Variants in EYS observed in about 807,000 individuals in gnomAD.
The protein encoded by EYS is EGF-like photoreceptor maintenance factor.
In EYS, 250 loss-of-function variants were observed where a neutral mutation model predicts 282.1. That is an observed-to-expected ratio of 0.89 (90% CI 0.80 to 0.98). EYS has a LOEUF of 0.98. Among genes scored for constraint, EYS ranks in the 50% least tolerant of loss-of-function variants. The probability of loss-of-function intolerance (pLI) is 0.00; values close to 1 mark genes in which losing one functional copy is unlikely to be tolerated. For missense variants in EYS, 4,016 were observed against 3,709.0 expected (o/e 1.08, Z -2.15); for synonymous variants, 1,355 against 1,282.9 (o/e 1.06, Z -1.20).
chr6:64,161,041 A>T (rs1252347409), intron 31 of EYS, among the ~76,000 whole-genome samples: 1 of 152,204 alleles, frequency 6.6e-6, no homozygotes, highest in Non-Finnish European at 1.5e-5. Flanking sequence ...TGTATAAGAG[A>T]GACTCATTAC....
At chr6:64,752,729 G>T (rs530206739) in intron 22 of EYS, among the ~76,000 whole-genome samples, 1 of 151,840 alleles carries the variant, frequency 6.6e-6, no homozygotes, top group East Asian at 1.9e-4. Context: ...TCAACATGAA[G>T]GAAAAAAAAT....
intron 5 of EYS, among the ~76,000 whole-genome samples, chr6:65,442,785 A>ATAT: frequency 1.6e-5 from 2 of 121,858 alleles, no homozygotes; most frequent in Admixed American, 1.9e-4. Context: ...AAAAATTAAA[A>ATAT]AAAAATATAT....
chr6:64,902,360 A>G, intron 17 of EYS, 44 bp downstream of exon 17: 1 of 1,376,444 alleles, frequency 7.3e-7, no homozygotes, highest in East Asian at 2.5e-5. Flanking sequence ...GTATACATCT[A>G]GACACATAAA....
chr6:65,312,781 C>T (rs146065172), intron 11 of EYS, among the ~76,000 whole-genome samples: 15 of 152,286 alleles, frequency 9.8e-5, no homozygotes, highest in East Asian at 5.8e-4. Context: ...AGAGCTTCAA[C>T]GTTAAACAGG....
intron 22 of EYS, among the ~76,000 whole-genome samples, chr6:64,737,741 C>A (rs1772229613): frequency 6.6e-6 from 1 of 152,150 alleles, no homozygotes; most frequent in Non-Finnish European, 1.5e-5. Flanking sequence ...CCACAACATG[C>A]AGGAGTTCAG....
intron 40 of EYS, among the ~76,000 whole-genome samples, chr6:63,767,263 T>C (rs965415949): frequency 3.3e-5 from 5 of 152,068 alleles, no homozygotes; most frequent in Admixed American, 6.6e-5. Flanking sequence ...AGAAAAGATA[T>C]CCAGATAGAA....
intron 22 of EYS, among the ~76,000 whole-genome samples, chr6:64,699,155 A>T (rs900008562): frequency 5.9e-5 from 9 of 152,332 alleles, no homozygotes; most frequent in Admixed American, 5.9e-4. Context: ...AAAAAGAACA[A>T]GATCATGTCT....
intron 1 of EYS, among the ~76,000 whole-genome samples, chr6:65,669,519 C>A (rs1239646259): frequency 6.6e-6 from 1 of 151,900 alleles, no homozygotes; most frequent in Non-Finnish European, 1.5e-5. Flanking sequence ...AATGCTTTGT[C>A]CTTCATGATG....
intron 2 of EYS, among the ~76,000 whole-genome samples, chr6:65,633,376 A>G (rs1288844295): frequency 6.6e-6 from 1 of 152,230 alleles, no homozygotes; most frequent in Admixed American, 6.5e-5. Flanking sequence ...TACAGAATGC[A>G]TTTTGTGCCA....
intron 2 of EYS, among the ~76,000 whole-genome samples, chr6:65,568,683 A>G (rs1764369403): frequency 6.6e-6 from 1 of 152,174 alleles, no homozygotes; most frequent in African/African-American, 2.4e-5. Context: ...TTTTGTTTCG[A>G]AAGTGGCTCA....
At chr6:63,968,845 T>C (rs1477243112) in intron 35 of EYS, among the ~76,000 whole-genome samples, 1 of 152,232 alleles carries the variant, frequency 6.6e-6, no homozygotes, top group Non-Finnish European at 1.5e-5. Flanking sequence ...TTTCCTTACT[T>C]GGCAGTTTTA....
chr6:64,536,929 CT>C (rs1371831643), intron 26 of EYS, among the ~76,000 whole-genome samples: 4 of 151,734 alleles, frequency 2.6e-5, no homozygotes, highest in South Asian at 2.1e-4. Flanking sequence ...GTCCAAGAAT[CT>C]TTTTTCCCTC....
intron 26 of EYS, among the ~76,000 whole-genome samples, chr6:64,502,310 G>T (rs989201923): frequency 1.3e-5 from 2 of 151,892 alleles, no homozygotes; most frequent in African/African-American, 4.8e-5. Context: ...GCGCGATCTC[G>T]ACTCACTGCA....
intron 26 of EYS, among the ~76,000 whole-genome samples, chr6:64,522,253 T>C (rs1290757744): frequency 1.1e-4 from 17 of 151,930 alleles, no homozygotes; most frequent in South Asian, 8.3e-4. Context: ...TTTCATTTTA[T>C]GTATTTTTTA....
intron 2 of EYS, among the ~76,000 whole-genome samples, chr6:65,552,998 C>T (rs149577094): frequency 2.0e-5 from 3 of 152,060 alleles, no homozygotes; most frequent in East Asian, 1.9e-4. Context: ...TGATTCAAAT[C>T]GGCACTTTGG....
intron 19 of EYS, among the ~76,000 whole-genome samples, chr6:64,829,663 C>T (rs929098512): frequency 2.0e-5 from 3 of 151,834 alleles, no homozygotes; most frequent in South Asian, 2.1e-4. Flanking sequence ...GGTGCCAGTT[C>T]GGAGATGAAA....
At chr6:63,917,033 T>C (rs950703759) in intron 35 of EYS, among the ~76,000 whole-genome samples, 1 of 152,222 alleles carries the variant, frequency 6.6e-6, no homozygotes, top group African/African-American at 2.4e-5. Flanking sequence ...AAGGAAAGAA[T>C]TTAGTTATGT....
intron 13 of EYS, among the ~76,000 whole-genome samples, chr6:65,051,193 A>T (rs1773258006): frequency 6.6e-6 from 1 of 151,664 alleles, no homozygotes; most frequent in East Asian, 1.9e-4. Flanking sequence ...AAACTTTTAT[A>T]TTTTAGAACA....
rs947400119 is a variant in EYS at position 64,594,343 on chromosome 6, C to T, written c.3685-1034G>A. ...TGTGAATAGTGCTGCAATAAACATACGTGTGCATGTGTCTTTATAGCAGCA... is the reference window on the plus strand; with the variant it reads ...TGTGAATAGTGCTGCAATAAACATATGTGTGCATGTGTCTTTATAGCAGCA... On this transcript the variant is annotated intron_variant, in intron 24 of 42. Transcript: ENST00000503581. 4.6e-5 allele frequency among the ~76,000 whole-genome samples: 7 copies of T among 152,216 alleles called. No individual in the cohort carries two copies. The South Asian group carries it at 8.3e-4, about 18-fold the overall frequency.
Sources: allele counts gnomAD v4.1 joint callset (sites outside exome capture counted in the v4.1 genomes callset), GRCh38; gene constraint gnomAD v4.1.1; transcripts MANE v1.5; gene names NCBI Gene and HGNC (gene_info 2026-07-23, HGNC 2026-07-21).